The following PLA2G4C variants were observed in gnomAD, a reference collection of about 807,000 sequenced individuals.
PLA2G4C encodes phospholipase A2 group IVC.
PLA2G4C carries 64 observed loss-of-function variants against 73.8 expected under a neutral mutation model. The observed-to-expected ratio is 0.87, with a 90% confidence interval of 0.71 to 1.07. The LOEUF (loss-of-function observed/expected upper bound fraction) is 1.07. PLA2G4C is among the 50% of genes least tolerant of loss of function. The probability of loss-of-function intolerance (pLI) is 0.00; values close to 1 mark genes in which losing one functional copy is unlikely to be tolerated. For synonymous variants in PLA2G4C, 254 were observed against 252.1 expected (o/e 1.01, Z -0.07); for missense variants, 622 against 665.4 (o/e 0.93, Z 0.72).
At chr19:48,100,399 T>C (rs1167624270) in intron 4 of PLA2G4C, among the ~76,000 whole-genome samples, 1 of 150,250 alleles carries the variant, frequency 6.7e-6, no homozygotes, top group Non-Finnish European at 1.5e-5. Flanking sequence ...TGCGTGGTGG[T>C]GGGTACCTCT....
chr19:48,054,558 G>A (rs897841746), intron 15 of PLA2G4C, among the ~76,000 whole-genome samples: 40 of 150,684 alleles, frequency 2.7e-4, no homozygotes, highest in Middle Eastern at 3.4e-3. Flanking sequence ...CTTGTGATCC[G>A]CCCGCCTCAG....
rs574338808 is a variant in PLA2G4C at position 48,057,982 on chromosome 19, G to A, written c.1258-2933C>T. 1.5e-3 allele frequency among the ~76,000 whole-genome samples: 218 copies of A among 149,488 alleles called. 1 individual carries two copies. Among genetic ancestry groups the A allele is most frequent in the African/African-American group, 5.1e-3 (211 of 41,120 alleles). Reference sequence around the variant, plus strand: ...TAAGTAGCTGGGACTACAGGCGTGAGCCACCATGCCCAGCTAATCAAAAAA... The same window carrying A: ...TAAGTAGCTGGGACTACAGGCGTGAACCACCATGCCCAGCTAATCAAAAAA... On this transcript the variant is annotated intron_variant, in intron 14 of 16. Transcript: ENST00000599921.
In PLA2G4C at chr19:48,104,594, G is replaced by A; in HGVS notation, c.251C>T (p.Ser84Phe). The A allele has an allele frequency of 6.2e-7, 1 of 1,613,962 alleles. No individual in the cohort carries two copies. Among genetic ancestry groups the A allele is most frequent in the Non-Finnish European group, 8.5e-7 (1 of 1,179,912 alleles). The change falls in exon 4 of 17, where the codon TCC (serine) becomes TTC (phenylalanine). Residue 84 changes from serine (S) to phenylalanine (F), a missense_variant. Physicochemically the swap from Ser to Phe is radical, Grantham distance 155. Coordinates refer to ENST00000599921, the MANE Select transcript of PLA2G4C (RefSeq NM_003706.3). ...AAACATGAGTGATGCTTACCAAGTG[G>A]ATCCAGAGACCCCTGCGAGGTACGT... is the stretch of plus-strand genomic sequence containing the variant. ...AVTYLAGVSG[S>F]TWAISSLYTN...
chr19:48,083,742 C>T (rs536969794), intron 10 of PLA2G4C, among the ~76,000 whole-genome samples: 2 of 151,988 alleles, frequency 1.3e-5, no homozygotes, highest in South Asian at 2.1e-4. Context: ...CCACTGCGCC[C>T]GGCCCCTCAT....
At chr19:48,056,344 T>C (rs1967940441) in intron 14 of PLA2G4C, among the ~76,000 whole-genome samples, 1 of 151,846 alleles carries the variant, frequency 6.6e-6, no homozygotes, top group South Asian at 2.1e-4. Context: ...GGTCAGGAGT[T>C]TGAGACCAAC....
Position 48,062,142 on chromosome 19 carries a change from C to G in PLA2G4C, c.1113G>C (p.Arg371=). 3 of 1,576,898 alleles carry G rather than the reference C, an allele frequency of 1.9e-6. No individual in the cohort carries two copies. Among genetic ancestry groups the G allele is most frequent in the Non-Finnish European group, 2.6e-6 (3 of 1,159,732 alleles). ...HNFLYKHGGI[R]DKIMSSRKHL... ...GCTTCCGGCTGCTCATTATCTTGTC[C>G]CGGATGCCACCTGTGGTGCCCAGGA... Residue 371 remains arginine (R), a synonymous_variant, in exon 14 of 17, where the codon CGG becomes CGC. Transcript: ENST00000599921.
At chr19:48,104,746 G>T in intron 3 of PLA2G4C, 22 bp from the exon 4 acceptor site, 1 of 1,612,748 alleles carries the variant, frequency 6.2e-7, no homozygotes, top group Non-Finnish European at 8.5e-7. Flanking sequence ...GGAGAAAATC[G>T]ATCAGAGGTT....
chr19:48,084,409 A>G (rs1251495405), intron 10 of PLA2G4C, among the ~76,000 whole-genome samples: 1 of 152,058 alleles, frequency 6.6e-6, no homozygotes, highest in African/African-American at 2.4e-5. Context: ...GTGTGATCTC[A>G]GCTCACTGCA....
chr19:48,058,364 C>T (rs1968039850), intron 14 of PLA2G4C, among the ~76,000 whole-genome samples: 1 of 151,984 alleles, frequency 6.6e-6, no homozygotes, highest in Non-Finnish European at 1.5e-5. Flanking sequence ...TCTCAAATTG[C>T]TGATCTCAAG....
intron 10 of PLA2G4C, among the ~76,000 whole-genome samples, chr19:48,079,519 A>G (rs1338579555): frequency 6.6e-6 from 1 of 152,134 alleles, no homozygotes. Context: ...ACAAAAATCA[A>G]CTCACAAATT....
At position 48,099,746 on chromosome 19, in the gene PLA2G4C, G is replaced by A. The variant is rs543588381; in HGVS notation, c.372C>T (p.Ile124=). The A allele has an allele frequency of 1.5e-5, 24 of 1,614,100 alleles. No homozygotes were observed. Among genetic ancestry groups the A allele is most frequent in the South Asian group, 7.7e-5 (7 of 91,078 alleles). The change falls in exon 5 of 17, where the codon ATC becomes ATT. Residue 124 remains isoleucine (I), a synonymous_variant. Transcript: ENST00000599921. The stretch of plus-strand genomic sequence containing the variant: ...AGTAATTCTCAGACCTCGCTGCTTG[G>A]ATGGTTTTCTGTAGGCTCTTAGCCA... ...WDLAKSLQKT[I]QAARSENYSL...
chr19:48,103,913 A>T (rs412631), intron 4 of PLA2G4C: 46,904 of 149,834 alleles, frequency 0.31, 10,528 homozygotes, highest in African/African-American at 0.64. Flanking sequence ...GAAAAAAAAA[A>T]TTTTTTTTTT....
intron 4 of PLA2G4C, chr19:48,104,306 C>T: frequency 2.9e-6 from 1 of 349,846 alleles, no homozygotes. Flanking sequence ...TGTGGGAAAC[C>T]CCAAACTATT....
At chr19:48,102,397 A>G (rs2122692605) in intron 4 of PLA2G4C, among the ~76,000 whole-genome samples, 1 of 151,536 alleles carries the variant, frequency 6.6e-6, no homozygotes, top group Admixed American at 6.6e-5. Context: ...AGGCTGAGGC[A>G]GGAGAATCAC....
At chr19:48,078,885 T>C (rs2030348214) in intron 10 of PLA2G4C, among the ~76,000 whole-genome samples, 1 of 151,754 alleles carries the variant, frequency 6.6e-6, no homozygotes, top group Non-Finnish European at 1.5e-5. Context: ...TTTTTTTTTT[T>C]TTGAGACTTA....
chr19:48,092,348 C>A (rs1448093274), intron 7 of PLA2G4C, among the ~76,000 whole-genome samples: 1 of 152,178 alleles, frequency 6.6e-6, no homozygotes, highest in Admixed American at 6.5e-5. Flanking sequence ...CACACCTGGC[C>A]TCAAAATTTT....
rs772248895 is a variant in PLA2G4C, at chr19:48,048,307, C to T, written c.*36G>A. The T allele has an allele frequency of 1.3e-6, 2 of 1,564,514 alleles. No individual in the cohort carries two copies. Among genetic ancestry groups the T allele is most frequent in the East Asian group, 2.3e-5 (1 of 43,384 alleles). ...GGTGGACATCAGGGCCCTAGTAGAC[C>T]AACAGGCCCACAGTGCCCTGGAAGC... is the stretch of plus-strand genomic sequence containing the variant. On this transcript the variant is annotated 3_prime_UTR_variant, in exon 17 of 17. Transcript: ENST00000599921.
intron 16 of PLA2G4C, among the ~76,000 whole-genome samples, chr19:48,049,931 T>C (rs765908960): frequency 9.2e-5 from 14 of 152,182 alleles, no homozygotes; most frequent in Non-Finnish European, 2.1e-4. Flanking sequence ...TCTGTGGTAC[T>C]TTTTTCTTTG....
At chr19:48,106,761 AT>A in intron 1 of PLA2G4C, 200 bp from the exon 2 acceptor site, 1 of 567,076 alleles carries the variant, frequency 1.8e-6, no homozygotes. Context: ...AATGGGAGAA[AT>A]ATTTCAAGCG....
Sources: gnomAD v4.1 joint callset for allele counts (sites outside exome capture counted in the v4.1 genomes callset) on GRCh38, gnomAD v4.1.1 for gene constraint, MANE v1.5 for transcripts, NCBI Gene and HGNC (gene_info 2026-07-23, HGNC 2026-07-21) for gene names.